The following ANKFN1 variants were observed in gnomAD, a reference collection of about 807,000 sequenced individuals.
The protein encoded by ANKFN1 is ankyrin repeat and fibronectin type III domain containing 1.
ANKFN1 carries 74 observed loss-of-function variants against 108.7 expected under a neutral mutation model. The observed-to-expected ratio is 0.68, with a 90% CI of 0.56 to 0.83. ANKFN1 has a LOEUF of 0.83. Among genes scored for constraint, ANKFN1 ranks in the 40% least tolerant of loss-of-function variants. ANKFN1 has a pLI of 0.00. For missense variants in ANKFN1, 1,505 were observed against 1,382.3 expected, an observed-to-expected ratio of 1.09 and a Z score of -1.41; for synonymous variants, 547 against 516.2, an observed-to-expected ratio of 1.06 and a Z score of -0.81.
chr17:56,167,274 C>CT (rs202060464), intron 1 of ANKFN1, among the ~76,000 whole-genome samples: 3 of 133,874 alleles, frequency 2.2e-5, no homozygotes, highest in Non-Finnish European at 4.7e-5. Flanking sequence ...TATATATATA[C>CT]ATATATATAT....
At chr17:56,466,287 T>C in intron 14 of ANKFN1, 69 bp from the exon 15 acceptor site, 1 of 1,385,926 alleles carries the variant, frequency 7.2e-7, no homozygotes. Flanking sequence ...TCACGGTGTC[T>C]TTTGTTGCCG....
intron 20 of ANKFN1, among the ~76,000 whole-genome samples, chr17:56,499,494 C>T (rs2051301258): frequency 6.6e-6 from 1 of 152,124 alleles, no homozygotes; most frequent in Non-Finnish European, 1.5e-5. Flanking sequence ...TATTAAATAG[C>T]ATCTGACAAG....
In ANKFN1 at chr17:56,370,613, G is replaced by C. The variant is rs147315137; in HGVS notation, c.602-2033G>C. 9.5e-4 allele frequency among the ~76,000 whole-genome samples: 145 copies of C among 152,244 alleles called. 1 individual carries two copies. Among genetic ancestry groups the C allele is most frequent in the Middle Eastern group, 3.4e-3 (1 of 294 alleles). ...CTATAATTTGGAGTGGAAGAAGGAGGGGGGAGTGGGTAGAGAGTGCAGTTA... is the reference window on the plus strand; with the variant it reads ...CTATAATTTGGAGTGGAAGAAGGAGCGGGGAGTGGGTAGAGAGTGCAGTTA... On this transcript the variant is annotated intron_variant, in intron 6 of 20. Transcript: ENST00000682825.
rs957122583 is a variant in ANKFN1 at position 56,084,388 on chromosome 17, G to A, written c.288+38063G>A. ...TGGCATTTAGATAAAAACCATGAAG[G>A]GTATTGTGTGAATAAAGACCTGATT... On this transcript the variant is annotated intron_variant, in intron 4 of 12. Coordinates refer to the ANKFN1 transcript ENST00000635860. Among the ~76,000 whole-genome samples the A allele has an allele frequency of 7.9e-5, 12 of 151,142 alleles. 2 individuals are homozygous for A. Among genetic ancestry groups the A allele is most frequent in the African/African-American group, 2.4e-4 (10 of 41,130 alleles).
chr17:56,167,261 G>GTATATA (rs1431986196), intron 1 of ANKFN1, among the ~76,000 whole-genome samples: 1,369 of 74,666 alleles, frequency 0.018, 23 homozygotes, highest in African/African-American at 0.056. Flanking sequence ...GTATGTGTGT[G>GTATATA]TATATATATA....
At position 56,513,463 on chromosome 17, in the gene ANKFN1, A is replaced by G. The variant is rs1030760518; in HGVS notation, c.*2194A>G. 2.0e-5 allele frequency among the ~76,000 whole-genome samples: 3 copies of G among 152,230 alleles called. No homozygotes were observed. The highest frequency in any genetic ancestry group is 6.5e-5 in the Admixed American group (1 of 15,286). ...ACTCAGTTTCTACTTATTTCTAATT[A>G]TAAAATGGATTACTTTGTTCAATGA... On this transcript the variant is annotated 3_prime_UTR_variant, in exon 21 of 21. Transcript: ENST00000682825.
At chr17:56,493,033 GAATA>G (rs2051091258) in intron 19 of ANKFN1, among the ~76,000 whole-genome samples, 1 of 152,112 alleles carries the variant, frequency 6.6e-6, no homozygotes, top group Non-Finnish European at 1.5e-5. Context: ...AAAATGAGTA[GAATA>G]GCAATAGCCC....
At chr17:56,346,518 G>A (rs1047146762) in intron 4 of ANKFN1, among the ~76,000 whole-genome samples, 6 of 151,966 alleles carry the variant, frequency 3.9e-5, no homozygotes, top group African/African-American at 1.2e-4. Flanking sequence ...GGAGAAGATG[G>A]GAATAGGGCA....
chr17:56,220,808 GAGGAAGGAAGGA>G (rs1223599660), intron 2 of ANKFN1, among the ~76,000 whole-genome samples: 23 of 66,896 alleles, frequency 3.4e-4, no homozygotes, highest in African/African-American at 1.5e-3. Flanking sequence ...GGGAGGGAGG[GAGGAAGGAAGGA>G]AGGAAGGAAG....
At chr17:56,098,490 C>T (rs536752193) in intron 4 of ANKFN1, among the ~76,000 whole-genome samples, 59 of 152,214 alleles carry the variant, frequency 3.9e-4, no homozygotes, top group African/African-American at 1.4e-3. Flanking sequence ...TACTGTTCTT[C>T]ATAGCATTCA....
At chr17:56,386,742 CTT>C (rs758345152) in intron 8 of ANKFN1, among the ~76,000 whole-genome samples, 2 of 151,750 alleles carry the variant, frequency 1.3e-5, no homozygotes, top group Non-Finnish European at 2.9e-5. Flanking sequence ...ATCTGTCTCT[CTT>C]ATCGTCTTTT....
At chr17:56,204,234 C>G (rs1308892049) in intron 1 of ANKFN1, among the ~76,000 whole-genome samples, 1 of 152,034 alleles carries the variant, frequency 6.6e-6, no homozygotes, top group Non-Finnish European at 1.5e-5. Flanking sequence ...TTTAGTATAC[C>G]TGGGGTTTCA....
At chr17:56,343,635 G>A (rs960191439) in intron 4 of ANKFN1, among the ~76,000 whole-genome samples, 4 of 151,496 alleles carry the variant, frequency 2.6e-5, no homozygotes, top group African/African-American at 9.7e-5. Context: ...GTTAAATAGG[G>A]GCATATTTTG....
intron 4 of ANKFN1, among the ~76,000 whole-genome samples, chr17:56,073,284 G>T (rs1344960651): frequency 6.6e-6 from 1 of 152,164 alleles, no homozygotes; most frequent in Admixed American, 6.5e-5. Flanking sequence ...GAGCCACCGC[G>T]CCCGGCCTAT....
chr17:56,060,339 A>G (rs986525698), intron 4 of ANKFN1, among the ~76,000 whole-genome samples: 1 of 152,182 alleles, frequency 6.6e-6, no homozygotes, highest in Non-Finnish European at 1.5e-5. Context: ...GGCTGAGATT[A>G]TAAGGTTTTC....
At position 56,513,472 on chromosome 17, in the gene ANKFN1, A is replaced by G. The variant is rs1367796075; in HGVS notation, c.*2203A>G. Among the ~76,000 whole-genome samples the G allele has an allele frequency of 1.3e-5, 2 of 152,214 alleles. No homozygotes were observed. The highest frequency in any genetic ancestry group is 2.9e-5 in the Non-Finnish European group (2 of 68,038). ...CTACTTATTTCTAATTATAAAATGG[A>G]TTACTTTGTTCAATGAGTTTGTGAG... On this transcript the variant is annotated 3_prime_UTR_variant, in exon 21 of 21. Transcript: ENST00000682825.
At chr17:56,272,817 G>A (rs2043826738) in intron 3 of ANKFN1, among the ~76,000 whole-genome samples, 1 of 152,152 alleles carries the variant, frequency 6.6e-6, no homozygotes, top group Non-Finnish European at 1.5e-5. Flanking sequence ...TTTTGAAGTG[G>A]AGGTTTAAGG....
intron 7 of ANKFN1, among the ~76,000 whole-genome samples, chr17:56,373,346 C>G (rs1175010903): frequency 6.6e-6 from 1 of 152,222 alleles, no homozygotes; most frequent in Non-Finnish European, 1.5e-5. Context: ...TTTGTCTGCA[C>G]TTTCATTTTC....
chr17:56,291,277 GGTA>G (rs2044356591), intron 3 of ANKFN1, among the ~76,000 whole-genome samples: 1 of 152,038 alleles, frequency 6.6e-6, no homozygotes, highest in Non-Finnish European at 1.5e-5. Flanking sequence ...TGTCTGGGAT[GGTA>G]TTTTAACTCA....
Sources: gnomAD v4.1 joint callset for allele counts (sites outside exome capture counted in the v4.1 genomes callset) on GRCh38, gnomAD v4.1.1 for gene constraint, MANE v1.5 for transcripts, NCBI Gene and HGNC (gene_info 2026-07-23, HGNC 2026-07-21) for gene names.